The following SLC39A11 variants were observed in gnomAD, a reference collection of about 807,000 sequenced individuals.
SLC39A11 encodes the protein solute carrier family 39 member 11.
Under a neutral mutation model 36.1 loss-of-function variants are expected in SLC39A11, and 33 were observed. That is an observed-to-expected ratio of 0.91 (90% CI 0.69 to 1.22). The LOEUF (loss-of-function observed/expected upper bound fraction) is 1.22. Ranked by LOEUF, SLC39A11 falls within the 50% of genes most tolerant of loss-of-function variation. The probability of loss-of-function intolerance (pLI) is 0.00; values close to 1 mark genes in which losing one functional copy is unlikely to be tolerated. For synonymous variants in SLC39A11, 166 were observed against 170.3 expected (o/e 0.97, Z 0.20); for missense variants, 432 against 430.3 (o/e 1.00, Z -0.03).
At chr17:72,753,416 T>C (rs531973263) in intron 6 of SLC39A11, among the ~76,000 whole-genome samples, 13 of 152,346 alleles carry the variant, frequency 8.5e-5, no homozygotes, top group African/African-American at 3.1e-4. Context: ...TTTAACTTTC[T>C]AAAAGAATTC....
chr17:73,081,266 A>G (rs564742826), intron 3 of SLC39A11, among the ~76,000 whole-genome samples: 13 of 152,150 alleles, frequency 8.5e-5, no homozygotes, highest in Non-Finnish European at 1.6e-4. Context: ...CAAAACCACA[A>G]TGCAACACCC....
intron 6 of SLC39A11, among the ~76,000 whole-genome samples, chr17:72,780,149 A>C (rs1021314938): frequency 2.0e-5 from 3 of 152,180 alleles, no homozygotes; most frequent in Non-Finnish European, 4.4e-5. Flanking sequence ...CTGTGGACTA[A>C]GCATGCTGGG....
intron 4 of SLC39A11, among the ~76,000 whole-genome samples, chr17:72,988,564 CTTTT>C: frequency 6.7e-6 from 1 of 149,226 alleles, no homozygotes; most frequent in African/African-American, 2.4e-5. Flanking sequence ...TCTTATTCCA[CTTTT>C]TTTTTTACTT....
chr17:72,723,773 A>G (rs975377821), intron 7 of SLC39A11, among the ~76,000 whole-genome samples: 1 of 152,196 alleles, frequency 6.6e-6, no homozygotes, highest in Non-Finnish European at 1.5e-5. Context: ...AGGTAATCAG[A>G]TCATTCACCC....
intron 6 of SLC39A11, among the ~76,000 whole-genome samples, chr17:72,810,003 G>A (rs764481689): frequency 2.9e-4 from 43 of 150,782 alleles, no homozygotes; most frequent in Non-Finnish European, 4.4e-4. Context: ...GGCAGAAGTT[G>A]CAATAAGCTG....
At chr17:72,910,490 G>A (rs2082921605) in intron 5 of SLC39A11, among the ~76,000 whole-genome samples, 1 of 151,850 alleles carries the variant, frequency 6.6e-6, no homozygotes, top group African/African-American at 2.4e-5. Context: ...CAGGCGTGGT[G>A]GCATGCGCCT....
intron 7 of SLC39A11, among the ~76,000 whole-genome samples, chr17:72,677,629 G>A (rs993461002): frequency 6.6e-6 from 1 of 152,148 alleles, no homozygotes; most frequent in Non-Finnish European, 1.5e-5. Context: ...TCTCAAACCC[G>A]AGTGTGCATC....
chr17:72,873,782 CTG>C (rs1465281249), intron 5 of SLC39A11, among the ~76,000 whole-genome samples: 1 of 152,168 alleles, frequency 6.6e-6, no homozygotes, highest in African/African-American at 2.4e-5. Flanking sequence ...CGGTTTGGCT[CTG>C]TGTCCCCACC....
At chr17:72,746,898 T>C (rs941946574) in intron 6 of SLC39A11, among the ~76,000 whole-genome samples, 9 of 151,470 alleles carry the variant, frequency 5.9e-5, no homozygotes, top group African/African-American at 1.9e-4. Context: ...CACAAAAAAA[T>C]TGGCTGGGTA....
At chr17:72,876,272 A>C (rs79751531) in intron 5 of SLC39A11, among the ~76,000 whole-genome samples, 2,460 of 152,336 alleles carry the variant, frequency 0.016, 67 homozygotes, top group African/African-American at 0.055. Context: ...CTATTGTAGA[A>C]TACTTAGGGG....
At chr17:72,834,548 G>A (rs1403783285) in intron 6 of SLC39A11, among the ~76,000 whole-genome samples, 1 of 152,122 alleles carries the variant, frequency 6.6e-6, no homozygotes, top group Non-Finnish European at 1.5e-5. Context: ...GTTGAACCTG[G>A]GAGGCGGAGG....
rs535290151 is a variant in SLC39A11, at chr17:72,734,604, A to T, written c.671+2046T>A. Among the ~76,000 whole-genome samples the T allele has an allele frequency of 2.0e-5, 3 of 152,184 alleles. No individual in the cohort carries two copies. In the East Asian group the frequency reaches 5.8e-4, roughly 29 times the overall value. On this transcript the variant is annotated intron_variant, in intron 7 of 9. Coordinates refer to ENST00000255559, the MANE Select transcript of SLC39A11 (RefSeq NM_139177.4). Reference sequence around the variant, plus strand: ...ATCTGTTTGGTCCGGGGAAGGGAGGAGCTGAGTTGGAAATATTTTTGCTCC... The same window carrying T: ...ATCTGTTTGGTCCGGGGAAGGGAGGTGCTGAGTTGGAAATATTTTTGCTCC...
At chr17:73,022,113 T>C (rs1227838583) in intron 4 of SLC39A11, among the ~76,000 whole-genome samples, 5 of 152,218 alleles carry the variant, frequency 3.3e-5, no homozygotes, top group Admixed American at 2.0e-4. Flanking sequence ...GCAGCCTCAA[T>C]GAGCAAGGAC....
chr17:72,876,448 T>C (rs562768533), intron 5 of SLC39A11, among the ~76,000 whole-genome samples: 2 of 152,308 alleles, frequency 1.3e-5, no homozygotes, highest in South Asian at 2.1e-4. Flanking sequence ...ACAGGCCTAA[T>C]TGTTGCATGA....
intron 5 of SLC39A11, among the ~76,000 whole-genome samples, chr17:72,896,483 T>G (rs748310179): frequency 7.2e-5 from 11 of 152,018 alleles, no homozygotes; most frequent in Non-Finnish European, 1.3e-4. Flanking sequence ...ATTACAGGCA[T>G]GAGTCACTGC....
intron 4 of SLC39A11, among the ~76,000 whole-genome samples, chr17:72,990,814 G>C (rs2148289992): frequency 6.6e-6 from 1 of 152,274 alleles, no homozygotes; most frequent in South Asian, 2.1e-4. Context: ...ATAACCTAGA[G>C]ACTAAAGTTT....
At chr17:72,950,590 T>A (rs8073848) in intron 4 of SLC39A11, among the ~76,000 whole-genome samples, 14,891 of 152,290 alleles carry the variant, frequency 0.098, 2,420 homozygotes, top group African/African-American at 0.34. Flanking sequence ...TGTTTCACTA[T>A]GAAAGTATGT....
chr17:72,657,426 G>T (rs2070183102), intron 7 of SLC39A11, among the ~76,000 whole-genome samples: 1 of 152,204 alleles, frequency 6.6e-6, no homozygotes, highest in Non-Finnish European at 1.5e-5. Context: ...GAGGAGCAGA[G>T]ATGGAAGAGA....
intron 5 of SLC39A11, among the ~76,000 whole-genome samples, chr17:72,946,372 C>G (rs183505910): frequency 6.6e-6 from 1 of 152,208 alleles, no homozygotes; most frequent in Admixed American, 6.5e-5. Flanking sequence ...CATTTGAGTT[C>G]TCCATGAATA....
Sources: allele counts gnomAD v4.1 joint callset (sites outside exome capture counted in the v4.1 genomes callset), GRCh38; gene constraint gnomAD v4.1.1; transcripts MANE v1.5; gene names NCBI Gene and HGNC (gene_info 2026-07-23, HGNC 2026-07-21).